The following HIBADH variants were observed in gnomAD, a reference collection of about 807,000 sequenced individuals.
HIBADH encodes the protein 3-hydroxyisobutyrate dehydrogenase, mitochondrial.
Under a neutral mutation model 36.1 loss-of-function variants are expected in HIBADH, and 25 were observed. The observed-to-expected ratio is 0.69, with a 90% CI of 0.50 to 0.97. The LOEUF (loss-of-function observed/expected upper bound fraction) is 0.97, where lower values mean the gene tolerates loss of function less well. Ranked by LOEUF, HIBADH falls within the 50% of genes least tolerant of loss-of-function variation. The pLI, the probability that HIBADH is intolerant of heterozygous loss-of-function variation, is 0.00. For synonymous variants in HIBADH, 160 were observed against 149.5 expected (o/e 1.07, Z -0.51); for missense variants, 421 against 418.0 (o/e 1.01, Z -0.06).
At chr7:27,597,447 A>G (rs1192432932) in intron 4 of HIBADH, among the ~76,000 whole-genome samples, 1 of 9,402 alleles carries the variant, frequency 1.1e-4, no homozygotes, top group African/African-American at 9.9e-4. Flanking sequence ...TAGACTCAGT[A>G]AAAAAAAAAA....
At chr7:27,576,463 T>A (rs1784712034) in intron 4 of HIBADH, among the ~76,000 whole-genome samples, 1 of 152,218 alleles carries the variant, frequency 6.6e-6, no homozygotes, top group Non-Finnish European at 1.5e-5. Context: ...AATTCATAAT[T>A]AGAAAAATCC....
At position 27,526,023 on chromosome 7, in the gene HIBADH, A is replaced by G; in HGVS notation, c.*191T>C. 1 of 418,564 alleles carries G rather than the reference A, an allele frequency of 2.4e-6. No homozygotes were observed. The highest frequency in any genetic ancestry group is 6.2e-4 in the Middle Eastern group (1 of 1,602). The allele number at this position is 418,564 out of a possible 1,614,324, so 25.9% of individuals were successfully genotyped here. ...AGACTATCAGTGGCTTGCAGAAAAA[A>G]AATTCGGATAATATGTTTGTTAAAA... is the stretch of plus-strand genomic sequence containing the variant. On this transcript the variant is annotated 3_prime_UTR_variant, in exon 8 of 8. Transcript: ENST00000265395.
At chr7:27,530,206 C>CT (rs70994657) in intron 7 of HIBADH, among the ~76,000 whole-genome samples, 22 of 149,522 alleles carry the variant, frequency 1.5e-4, no homozygotes, top group South Asian at 4.2e-4. Context: ...TATTCTTTTT[C>CT]TTTTTTTTTT....
chr7:27,612,142 G>GT (rs1195483742), intron 4 of HIBADH, among the ~76,000 whole-genome samples: 1 of 152,116 alleles, frequency 6.6e-6, no homozygotes, highest in Non-Finnish European at 1.5e-5. Flanking sequence ...GGAAAATAAG[G>GT]CAAGTCCCTT....
chr7:27,647,061 TAAC>T (rs1286955807), intron 2 of HIBADH, among the ~76,000 whole-genome samples: 6 of 152,044 alleles, frequency 3.9e-5, no homozygotes, highest in African/African-American at 7.2e-5. Flanking sequence ...AGTAAGAAAT[TAAC>T]AACAACAATA....
Position 27,622,138 on chromosome 7 carries a change from G to A in HIBADH, c.484+7233C>T, listed in dbSNP as rs552584984. On this transcript the variant is annotated intron_variant, in intron 4 of 7. Transcript: ENST00000265395. ...TACACACCTGTAGTCCCAGCTATTC[G>A]AGAGCCTGAGGCTGGAGGACCCCTT... Among the ~76,000 whole-genome samples the A allele has an allele frequency of 5.3e-5, 8 of 152,166 alleles. No homozygotes were observed. The East Asian group carries it at 1.6e-3, about 29-fold the overall frequency.
intron 1 of HIBADH, among the ~76,000 whole-genome samples, chr7:27,650,460 TTTTATTTA>T (rs148153152): frequency 0.019 from 2,686 of 140,182 alleles, 47 homozygotes; most frequent in African/African-American, 0.04. Context: ...CTTATTATAT[TTTTATTTA>T]TTTATTTATT....
chr7:27,652,676 T>C (rs1786218146), intron 1 of HIBADH, among the ~76,000 whole-genome samples: 2 of 152,224 alleles, frequency 1.3e-5, no homozygotes, highest in Admixed American at 6.5e-5. Context: ...CGTTTGCTGA[T>C]GGCCATTTTC....
Position 27,538,399 on chromosome 7 carries a change from T to A in HIBADH, c.637A>T (p.Asn213Tyr). The change falls in exon 6 of 8, where the codon AAC (asparagine) becomes TAC (tyrosine). Residue 213 changes from asparagine to tyrosine, a missense_variant. By Grantham distance (143) the Asn-to-Tyr change is moderately radical. Transcript: ENST00000265395. ...ATCATACTAATAGCTAACAGCATGT[T>A]GTTGCAGATCTTTGCCGCCTGAAAA... ...GTGQAAKICN[N>Y]MLLAISMIGT... 1 of 1,613,154 alleles carries A rather than the reference T, an allele frequency of 6.2e-7. No homozygotes were observed. The highest frequency in any genetic ancestry group is 8.5e-7 in the Non-Finnish European group (1 of 1,179,458).
Position 27,538,498 on chromosome 7 carries a change from G to A in HIBADH, c.619-81C>T, listed in dbSNP as rs145705804. The A allele has an allele frequency of 7.6e-4, 853 of 1,128,682 alleles. 8 individuals carry two copies. In the African/African-American group the frequency reaches 0.012, roughly 15 times the overall value. 69.9% of individuals were successfully genotyped at this position (1,128,682 alleles called of 1,614,324 possible). ...GGACGTTTTTCCTTGCCCAATTCCA[G>A]GGGCTGCTTTCTAAAAGAAATAACA... On this transcript the variant is annotated intron_variant, in intron 5 of 7. Coordinates refer to ENST00000265395, the MANE Select transcript of HIBADH (RefSeq NM_152740.4).
chr7:27,584,192 T>C (rs929551618), intron 4 of HIBADH, among the ~76,000 whole-genome samples: 1 of 152,106 alleles, frequency 6.6e-6, no homozygotes, highest in African/African-American at 2.4e-5. Flanking sequence ...CTTGTTGCAA[T>C]GTGGAAAGAA....
intron 4 of HIBADH, among the ~76,000 whole-genome samples, chr7:27,597,304 CA>C (rs1252233509): frequency 4.6e-5 from 7 of 152,004 alleles, no homozygotes; most frequent in Non-Finnish European, 8.8e-5. Flanking sequence ...CAGTGCCTAC[CA>C]GATAGTAGGG....
chr7:27,653,971 A>G (rs977225121), intron 1 of HIBADH, among the ~76,000 whole-genome samples: 1 of 152,228 alleles, frequency 6.6e-6, no homozygotes, highest in Non-Finnish European at 1.5e-5. Flanking sequence ...AACAGATGTT[A>G]GAATTAGAAA....
intron 4 of HIBADH, among the ~76,000 whole-genome samples, chr7:27,559,272 A>C (rs1330908462): frequency 6.6e-6 from 1 of 152,164 alleles, no homozygotes; most frequent in East Asian, 1.9e-4. Context: ...ACTTGGGTTA[A>C]GGATTTCAAC....
intron 4 of HIBADH, among the ~76,000 whole-genome samples, chr7:27,582,947 T>A (rs1784814851): frequency 6.6e-6 from 1 of 152,090 alleles, no homozygotes; most frequent in African/African-American, 2.4e-5. Flanking sequence ...AGGGCTTTTG[T>A]GAGGATTAAA....
chr7:27,550,201 G>A (rs572980517), intron 4 of HIBADH, among the ~76,000 whole-genome samples: 138 of 152,020 alleles, frequency 9.1e-4, no homozygotes, highest in Non-Finnish European at 1.8e-3. Flanking sequence ...GAGTCACCAC[G>A]CCCAGCCAGC....
At chr7:27,552,946 G>A (rs544353273) in intron 4 of HIBADH, among the ~76,000 whole-genome samples, 28 of 152,250 alleles carry the variant, frequency 1.8e-4, no homozygotes, top group Middle Eastern at 3.4e-3. Context: ...ACTGAGATTT[G>A]GTAGGTGTTT....
chr7:27,632,140 T>A (rs1318499105), intron 3 of HIBADH, among the ~76,000 whole-genome samples, 196 bp downstream of exon 3: 2 of 152,206 alleles, frequency 1.3e-5, no homozygotes, highest in Non-Finnish European at 2.9e-5. Context: ...AAAAATTTTA[T>A]ACACATTGTC....
At chr7:27,572,283 T>TA (rs1191786136) in intron 4 of HIBADH, among the ~76,000 whole-genome samples, 1 of 152,206 alleles carries the variant, frequency 6.6e-6, no homozygotes, top group East Asian at 1.9e-4. Context: ...AAAGTGCATT[T>TA]AAAAGTACAT....
Sources: gnomAD v4.1 joint callset for allele counts (sites outside exome capture counted in the v4.1 genomes callset) on GRCh38, gnomAD v4.1.1 for gene constraint, MANE v1.5 for transcripts, NCBI Gene and HGNC (gene_info 2026-07-23, HGNC 2026-07-21) for gene names.